Variants in AGL observed in about 807,000 individuals in gnomAD.
AGL encodes amylo-alpha-1,6-glucosidase and 4-alpha-glucanotransferase.
AGL carries 128 observed loss-of-function variants against 199.3 expected under a neutral mutation model. That is an observed-to-expected ratio of 0.64 (90% CI 0.56 to 0.74). The LOEUF (loss-of-function observed/expected upper bound fraction) is 0.74. AGL is among the 30% of genes least tolerant of loss of function. The pLI is 0.00. For missense variants in AGL, 1,809 were observed against 1,820.8 expected (o/e 0.99, Z 0.12); for synonymous variants, 584 against 594.7 (o/e 0.98, Z 0.26).
Position 99,913,562 on chromosome 1 carries a change from A to G in AGL, c.3985A>G (p.Arg1329Gly), listed in dbSNP as rs777095374. ...AAAGGTCTCATATGATGAGTGGAAC[A>G]GAAAAATACAAGACAACTTTGAAAA... ...AIKVSYDEWNRKIQDNFEKLF... is the reference protein window; with the variant it reads ...AIKVSYDEWNGKIQDNFEKLF... Residue 1329 changes from arginine to glycine, a missense_variant, in exon 30 of 34, where the codon AGA becomes GGA. By Grantham distance (125) the Arg-to-Gly change is moderately radical. Coordinates refer to ENST00000361915, the MANE Select transcript of AGL (RefSeq NM_000642.3). 68 of 1,614,008 alleles carry G rather than the reference A, an allele frequency of 4.2e-5. No individual in the cohort carries two copies. Among genetic ancestry groups the G allele is most frequent in the Admixed American group, 1.0e-4 (6 of 59,964 alleles).
chr1:99,876,725 C>T, intron 11 of AGL, 128 bp downstream of exon 11: 1 of 1,106,412 alleles, frequency 9.0e-7, no homozygotes, highest in Non-Finnish European at 1.4e-6. Flanking sequence ...CATAAAGGTA[C>T]CAGAGATACA....
chr1:99,917,557 A>C (rs989203012), intron 33 of AGL, among the ~76,000 whole-genome samples: 1 of 152,140 alleles, frequency 6.6e-6, no homozygotes, highest in African/African-American at 2.4e-5. Flanking sequence ...TTTACACTTA[A>C]GGTCTGAAAT....
At chr1:99,878,511 A>T (rs1651749746) in intron 12 of AGL, among the ~76,000 whole-genome samples, 3 of 152,086 alleles carry the variant, frequency 2.0e-5, no homozygotes, top group Admixed American at 6.5e-5. Context: ...CTTCTGAACA[A>T]TGCCAATACT....
rs1652316262 is a variant in AGL at position 99,884,694 on chromosome 1, C to G, written c.2672C>G (p.Pro891Arg). 1 of 1,613,872 alleles carries G rather than the reference C, an allele frequency of 6.2e-7. No homozygotes were observed. The highest frequency in any genetic ancestry group is 1.3e-5 in the African/African-American group (1 of 74,998). Residue 891 changes from proline (P) to arginine (R), a missense_variant, in exon 20 of 34, where the codon CCT (proline) becomes CGT (arginine). Pro to Arg is a moderately radical substitution (Grantham distance 103, BLOSUM62 -2). Transcript: ENST00000361915. The part of the protein sequence containing the change: ...VDNADPILKI[P>R]FASLASRLTL... ...AATGCAGATCCTATATTAAAAATTCCTTTTGCTTCGTAAGTATGCCTTGTT... is the reference window on the plus strand; with the variant it reads ...AATGCAGATCCTATATTAAAAATTCGTTTTGCTTCGTAAGTATGCCTTGTT...
intron 33 of AGL, among the ~76,000 whole-genome samples, chr1:99,918,544 G>A (rs530730376): frequency 1.6e-4 from 25 of 152,048 alleles, no homozygotes; most frequent in Admixed American, 3.9e-4. Flanking sequence ...GGCTGGTCTC[G>A]AACTCCTAGG....
chr1:99,874,907 AAAATG>A lies in AGL; in HGVS notation c.1082+102_1082+106del. 2.1e-6 allele frequency: 3 copies of A among 1,399,722 alleles called. No individual in the cohort carries two copies. The East Asian group carries it at 7.1e-5, about 33-fold the overall frequency. The allele number at this position is 1,399,722 out of a possible 1,614,324, so 86.7% of individuals were successfully genotyped here. On this transcript the variant is annotated intron_variant, in intron 8 of 33. Transcript: ENST00000361915. Reference sequence around the variant, plus strand: ...ACTACTTATTAAAAACGCTTAATAGAAAATGAAATAAAGTAATTCACTGTAATTCT... The same window carrying A: ...ACTACTTATTAAAAACGCTTAATAGAAAATAAAGTAATTCACTGTAATTCT...
intron 2 of AGL, among the ~76,000 whole-genome samples, chr1:99,857,551 T>C (rs1363728376): frequency 6.6e-6 from 1 of 151,952 alleles, no homozygotes; most frequent in Non-Finnish European, 1.5e-5. Flanking sequence ...AGACTCCGTC[T>C]GCAATCCCGG....
At position 99,881,654 on chromosome 1, in the gene AGL, A is replaced by T. The variant is rs756362070; in HGVS notation, c.2271A>T (p.Ser757=). 8 of 1,613,944 alleles carry T rather than the reference A, an allele frequency of 5.0e-6. No homozygotes were observed. In the Admixed American group the frequency reaches 6.7e-5, roughly 13 times the overall value. Residue 757 remains serine (S), a synonymous_variant, in exon 17 of 34, where the codon TCA becomes TCT. Coordinates refer to ENST00000361915, the MANE Select transcript of AGL (RefSeq NM_000642.3). ...SRTAFRNPKT[S]FYSKEVPQMC... is the part of the protein sequence containing the mutation. ...CTGCTTTCAGGAATCCCAAGACTTC[A>T]TTTTACAGCAAGGAAGTGCCTCAAA...
intron 2 of AGL, chr1:99,852,558 T>TTTTTG: frequency 1.7e-6 from 1 of 603,432 alleles, no homozygotes; most frequent in Non-Finnish European, 2.9e-6. Flanking sequence ...TTTTTTTTTG[T>TTTTTG]AGAAACTGGG....
At position 99,880,568 on chromosome 1, in the gene AGL, A is replaced by C; in HGVS notation, c.1736-64A>C. The C allele has an allele frequency of 1.9e-6, 3 of 1,542,408 alleles. No homozygotes were observed. In the South Asian group the frequency reaches 3.4e-5, roughly 17 times the overall value. ...TATTTTGAAAATCATTTATGAGAAG[A>C]AATCTAACCTCTTCCTGGACATAAA... On this transcript the variant is annotated intron_variant, in intron 13 of 33. Transcript: ENST00000361915.
At chr1:99,896,208 G>A in intron 24 of AGL, 78 bp from the exon 25 acceptor site, 1 of 1,257,810 alleles carries the variant, frequency 8.0e-7, no homozygotes, top group Non-Finnish European at 1.2e-6. Flanking sequence ...TAGAGTAACT[G>A]TTCTATAGTA....
At chr1:99,883,520 G>A (rs765543112) in intron 17 of AGL, among the ~76,000 whole-genome samples, 69 of 152,124 alleles carry the variant, frequency 4.5e-4, no homozygotes, top group South Asian at 8.3e-4. Flanking sequence ...AGCTGATGCA[G>A]CAGTGTGAAT....
intron 5 of AGL, among the ~76,000 whole-genome samples, chr1:99,866,941 C>T (rs1650567928): frequency 6.6e-6 from 1 of 152,100 alleles, no homozygotes. Context: ...GCCTCAGCCT[C>T]CCAAGTAGCT....
chr1:99,918,038 T>C (rs1037673459), intron 33 of AGL, among the ~76,000 whole-genome samples: 10 of 152,224 alleles, frequency 6.6e-5, no homozygotes, highest in African/African-American at 2.4e-4. Context: ...ATTTTCCTTC[T>C]ACCCGAAGGA....
chr1:99,854,233 G>A (rs1649220653), intron 2 of AGL, among the ~76,000 whole-genome samples: 1 of 152,138 alleles, frequency 6.6e-6, no homozygotes, highest in Admixed American at 6.6e-5. Flanking sequence ...TGTGAGGATA[G>A]GGACAGCCTT....
chr1:99,877,543 C>A, intron 11 of AGL, 98 bp from the exon 12 acceptor site: 1 of 1,083,284 alleles, frequency 9.2e-7, no homozygotes, highest in Non-Finnish European at 1.4e-6. Context: ...TCATTTATGG[C>A]AGAAATGATC....
chr1:99,881,013 T>G (rs1036813110), intron 14 of AGL, 63 bp from the exon 15 acceptor site: 2 of 1,392,054 alleles, frequency 1.4e-6, no homozygotes, highest in African/African-American at 2.8e-5. Flanking sequence ...TTCATTATGC[T>G]ATAGAATAGC....
chr1:99,915,280 T>G lies in AGL; in HGVS notation c.4162-109T>G. 8 of 903,002 alleles carry G rather than the reference T, an allele frequency of 8.9e-6. No individual in the cohort carries two copies. In the South Asian group the frequency reaches 1.1e-4, roughly 12 times the overall value. 55.9% of individuals were successfully genotyped at this position (903,002 alleles called of 1,614,324 possible). On this transcript the variant is annotated intron_variant, in intron 30 of 33. Transcript: ENST00000361915. ...GGCATCTACACTCAAATTCTGACCC[T>G]CATGGTATTTTAAGTAATTTTTTTC... is the stretch of plus-strand genomic sequence containing the variant.
intron 27 of AGL, among the ~76,000 whole-genome samples, chr1:99,907,680 G>GTTTTTTTTTTTTTTTTT (rs1553191673): frequency 4.3e-5 from 2 of 46,990 alleles, no homozygotes; most frequent in African/African-American, 1.3e-4. Flanking sequence ...TTGTTCGTTT[G>GTTTTTTTTTTTTTTTTT]TTTTTGTTTT....
Sources: gnomAD v4.1 joint callset for allele counts (sites outside exome capture counted in the v4.1 genomes callset) on GRCh38, gnomAD v4.1.1 for gene constraint, MANE v1.5 for transcripts, NCBI Gene and HGNC (gene_info 2026-07-23, HGNC 2026-07-21) for gene names.